SCFD1: variants seen among roughly 807,000 people sequenced by gnomAD.
SCFD1 encodes the protein sec1 family domain containing 1, also known as sec1 family domain-containing protein 1.
In SCFD1, 37 loss-of-function variants were observed where a neutral mutation model predicts 103.2. That is an observed-to-expected ratio of 0.36 (90% CI 0.28 to 0.47). SCFD1 has a LOEUF of 0.47. Among genes scored for constraint, SCFD1 ranks in the 20% least tolerant of loss-of-function variants. SCFD1 has a pLI of 1.00. For missense variants in SCFD1, 639 were observed against 761.2 expected, an observed-to-expected ratio of 0.84 and a Z score of 1.89; for synonymous variants, 264 against 245.0, an observed-to-expected ratio of 1.08 and a Z score of -0.73.
At chr14:30,707,682 C>CAA (rs34928152) in intron 18 of SCFD1, 12 of 314,634 alleles carry the variant, frequency 3.8e-5, no homozygotes, top group Admixed American at 8.7e-5. Context: ...TTATAACTCG[C>CAA]AAAAAAAAAA....
chr14:30,634,208 T>C (rs948981144), intron 4 of SCFD1, among the ~76,000 whole-genome samples, 171 bp downstream of exon 4: 1 of 152,190 alleles, frequency 6.6e-6, no homozygotes, highest in East Asian at 1.9e-4. Context: ...TTAAAACTTT[T>C]GGCTGAAGAA....
intron 16 of SCFD1, among the ~76,000 whole-genome samples, chr14:30,701,522 T>G (rs1277785989): frequency 2.0e-5 from 3 of 151,914 alleles, no homozygotes; most frequent in Admixed American, 6.6e-5. Flanking sequence ...TCCACTGCAC[T>G]CCAGCCTGGA....
chr14:30,622,475 C>A, intron 1 of SCFD1, 76 bp downstream of exon 1: 1 of 1,517,820 alleles, frequency 6.6e-7, no homozygotes. Flanking sequence ...GCGTGCAGCT[C>A]AGAGACCGAT....
At chr14:30,707,203 T>G (rs909593050) in intron 18 of SCFD1, among the ~76,000 whole-genome samples, 1 of 152,214 alleles carries the variant, frequency 6.6e-6, no homozygotes, top group Non-Finnish European at 1.5e-5. Context: ...TTGATAAATA[T>G]GTTATAAGAA....
At chr14:30,636,458 G>T (rs773416954) in intron 4 of SCFD1, among the ~76,000 whole-genome samples, 27 of 151,964 alleles carry the variant, frequency 1.8e-4, no homozygotes, top group African/African-American at 6.3e-4. Context: ...CTATCCAGTT[G>T]TCCCAGCGTA....
At position 30,638,154 on chromosome 14, in the gene SCFD1, T is replaced by C. The variant is rs758118283; in HGVS notation, c.342T>C (p.Tyr114=). The C allele has an allele frequency of 6.2e-7, 1 of 1,611,024 alleles. No homozygotes were observed. The highest frequency in any genetic ancestry group is 1.1e-5 in the South Asian group (1 of 90,678). ...TTCGAAATCAACTATATGAATCATA[T>C]TATTTAAATTTTATTTCTGCTATTT... The part of the protein sequence containing the change: ...QDLRNQLYES[Y]YLNFISAISR... The change falls in exon 5 of 25, where the codon TAT becomes TAC. Residue 114 remains tyrosine (Y), a synonymous_variant. Coordinates refer to ENST00000458591, the MANE Select transcript of SCFD1 (RefSeq NM_016106.4).
At chr14:30,666,842 A>G (rs185645539) in intron 10 of SCFD1, among the ~76,000 whole-genome samples, 106 of 152,316 alleles carry the variant, frequency 7.0e-4, no homozygotes, top group African/African-American at 2.5e-3. Flanking sequence ...CCCTCCCAAG[A>G]CTAAACTGGG....
intron 3 of SCFD1, among the ~76,000 whole-genome samples, chr14:30,632,017 T>C (rs373522263): frequency 7.9e-6 from 1 of 126,542 alleles, no homozygotes; most frequent in East Asian, 2.7e-4. Flanking sequence ...CACTACACTC[T>C]GGCCTGGGCA....
chr14:30,697,765 G>A (rs555773726), intron 15 of SCFD1, among the ~76,000 whole-genome samples: 30 of 152,262 alleles, frequency 2.0e-4, no homozygotes, highest in African/African-American at 6.3e-4. Flanking sequence ...GATATTCTAG[G>A]AAGAAACCAG....
intron 12 of SCFD1, among the ~76,000 whole-genome samples, 180 bp from the exon 13 acceptor site, chr14:30,673,743 AT>A (rs1461942268): frequency 6.6e-6 from 1 of 152,168 alleles, no homozygotes; most frequent in Non-Finnish European, 1.5e-5. Flanking sequence ...TAGAACTTTT[AT>A]GTAACATTAA....
chr14:30,646,666 A>G (rs1487000860), intron 7 of SCFD1, among the ~76,000 whole-genome samples: 2 of 152,090 alleles, frequency 1.3e-5, no homozygotes, highest in Non-Finnish European at 2.9e-5. Flanking sequence ...CTCCTCCTCA[A>G]TTTTTTGGAA....
intron 23 of SCFD1, among the ~76,000 whole-genome samples, chr14:30,724,152 G>A (rs1470249577): frequency 1.4e-5 from 2 of 140,904 alleles, no homozygotes. Flanking sequence ...TTTCTCTAAT[G>A]ATCAGTGATG....
At chr14:30,658,578 A>G (rs1887133345) in intron 10 of SCFD1, among the ~76,000 whole-genome samples, 1 of 152,022 alleles carries the variant, frequency 6.6e-6, no homozygotes, top group Non-Finnish European at 1.5e-5. Context: ...TGTTTAATAG[A>G]GATGGGGTTT....
At chr14:30,632,394 CTGA>C (rs1168652757) in intron 3 of SCFD1, among the ~76,000 whole-genome samples, 1 of 152,070 alleles carries the variant, frequency 6.6e-6, no homozygotes, top group Non-Finnish European at 1.5e-5. Context: ...TATCTTATCA[CTGA>C]TGATATGTCA....
rs1297127053 is a variant in SCFD1 at position 30,656,115 on chromosome 14, C to CA, written c.855+2540dup. On this transcript the variant is annotated intron_variant, in intron 10 of 24. Coordinates refer to ENST00000458591, the MANE Select transcript of SCFD1 (RefSeq NM_016106.4). ...GGGTAACAGAGTAAAGACCCTGTCT[C>CA]AAAAAAAAAAAAATGAGGTGCCCAT... 7.4e-3 allele frequency among the ~76,000 whole-genome samples: 976 copies of CA among 132,626 alleles called. 3 individuals carry two copies. Among genetic ancestry groups the CA allele is most frequent in the African/African-American group, 9.8e-3 (349 of 35,772 alleles). 87.0% of individuals were successfully genotyped at this position (132,626 alleles called of 152,430 possible).
intron 1 of SCFD1, among the ~76,000 whole-genome samples, chr14:30,622,745 A>C (rs901102959): frequency 4.6e-5 from 7 of 152,304 alleles, no homozygotes; most frequent in African/African-American, 1.7e-4. Context: ...TGCGTGGTTC[A>C]GTTCTCCTGG....
At chr14:30,671,903 G>T (rs1048179355) in intron 11 of SCFD1, among the ~76,000 whole-genome samples, 1 of 151,414 alleles carries the variant, frequency 6.6e-6, no homozygotes, top group African/African-American at 2.4e-5. Flanking sequence ...ACATTGAATA[G>T]TTAAGTTATG....
chr14:30,712,615 G>A (rs980165108), intron 19 of SCFD1, among the ~76,000 whole-genome samples: 11 of 151,896 alleles, frequency 7.2e-5, no homozygotes, highest in Admixed American at 1.3e-4. Flanking sequence ...CATAAAACAC[G>A]ACTAAAGTCA....
At chr14:30,691,817 A>G (rs569859759) in intron 14 of SCFD1, among the ~76,000 whole-genome samples, 2 of 152,326 alleles carry the variant, frequency 1.3e-5, no homozygotes, top group South Asian at 4.1e-4. Flanking sequence ...GTAAGTTACT[A>G]CATCAAAAAG....
Sources: allele counts gnomAD v4.1 joint callset (sites outside exome capture counted in the v4.1 genomes callset), GRCh38; gene constraint gnomAD v4.1.1; transcripts MANE v1.5; gene names NCBI Gene and HGNC (gene_info 2026-07-23, HGNC 2026-07-21).